The following FMN1 variants were observed in gnomAD, a reference collection of about 807,000 sequenced individuals.
FMN1 encodes the protein formin-1.
FMN1 carries 110 observed loss-of-function variants against 132.4 expected under a neutral mutation model. The observed-to-expected ratio is 0.83, with a 90% CI of 0.71 to 0.97. The LOEUF is 0.97. Ranked by LOEUF, FMN1 falls within the 50% of genes least tolerant of loss-of-function variation. FMN1 has a pLI of 0.00. For synonymous variants in FMN1, 722 were observed against 651.7 expected, an observed-to-expected ratio of 1.11 and a Z score of -1.64; for missense variants, 1,792 against 1,705.3, an observed-to-expected ratio of 1.05 and a Z score of -0.90.
At chr15:32,998,638 C>T (rs891655689) in intron 7 of FMN1, among the ~76,000 whole-genome samples, 8 of 152,296 alleles carry the variant, frequency 5.3e-5, no homozygotes, top group East Asian at 1.9e-4. Context: ...GAGTCAAAAG[C>T]AATGGCCAAC....
rs1161897798 is a variant in FMN1 at position 33,012,763 on chromosome 15, G to C, written c.2162-4688C>G. On this transcript the variant is annotated intron_variant, in intron 6 of 20. Transcript: ENST00000616417. The stretch of plus-strand genomic sequence containing the variant: ...TGGTTTTGGTGGGAACGACATCTTT[G>C]GTTATGGAGAAAACTTCAGTGGTCA... 17 of 724,102 alleles carry C rather than the reference G, an allele frequency of 2.3e-5. No homozygotes were observed. The Admixed American group carries it at 3.0e-4, about 13-fold the overall frequency. 44.9% of individuals were successfully genotyped at this position (724,102 alleles called of 1,614,324 possible).
At chr15:32,978,314 A>G (rs1160018200) in intron 7 of FMN1, among the ~76,000 whole-genome samples, 3 of 152,224 alleles carry the variant, frequency 2.0e-5, no homozygotes, top group African/African-American at 7.2e-5. Context: ...CACAAAACAA[A>G]ATTGTAGCCA....
intron 18 of FMN1, among the ~76,000 whole-genome samples, chr15:32,802,631 A>G (rs1202452241): frequency 1.3e-5 from 2 of 152,200 alleles, no homozygotes; most frequent in African/African-American, 2.4e-5. Context: ...CCCTCCACAG[A>G]GCTAATGCAC....
At chr15:33,158,653 C>T (rs1400652222) in intron 3 of FMN1, among the ~76,000 whole-genome samples, 1 of 152,120 alleles carries the variant, frequency 6.6e-6, no homozygotes, top group Non-Finnish European at 1.5e-5. Context: ...AAACTTTGTA[C>T]TGAACTAGAC....
chr15:33,057,695 A>G (rs1029948686), intron 6 of FMN1, among the ~76,000 whole-genome samples: 1 of 152,068 alleles, frequency 6.6e-6, no homozygotes, highest in Non-Finnish European at 1.5e-5. Context: ...TTCCCTCTGA[A>G]ATCATTTTCT....
Position 32,770,387 on chromosome 15 carries a change from A to G in FMN1, c.*3923T>C, listed in dbSNP as rs1405376915. 1 of 123,502 alleles carries G rather than the reference A, an allele frequency of 8.1e-6. No homozygotes were observed. Among genetic ancestry groups the G allele is most frequent in the Non-Finnish European group, 1.8e-5 (1 of 55,678 alleles). 7.7% of individuals were successfully genotyped at this position (123,502 alleles called of 1,614,324 possible). On this transcript the variant is annotated 3_prime_UTR_variant, in exon 21 of 21. Transcript: ENST00000616417. Reference sequence around the variant, plus strand: ...AGAAAGGAAGAGTATCATTAAAATGAAAATTTCTCTGTTGCAAACATCATA... The same window carrying G: ...AGAAAGGAAGAGTATCATTAAAATGGAAATTTCTCTGTTGCAAACATCATA...
At chr15:32,987,579 T>C (rs1171736226) in intron 7 of FMN1, among the ~76,000 whole-genome samples, 3 of 152,166 alleles carry the variant, frequency 2.0e-5, no homozygotes, top group African/African-American at 4.8e-5. Context: ...AAAAAAACTT[T>C]GATTTTTATA....
chr15:32,858,431 C>T (rs2059186145), intron 16 of FMN1, among the ~76,000 whole-genome samples: 1 of 152,096 alleles, frequency 6.6e-6, no homozygotes, highest in Non-Finnish European at 1.5e-5. Flanking sequence ...TTGAGGGAAC[C>T]CTTTGTCATT....
chr15:33,059,777 C>G (rs1383404671), intron 6 of FMN1, among the ~76,000 whole-genome samples: 2 of 152,182 alleles, frequency 1.3e-5, no homozygotes, highest in Non-Finnish European at 2.9e-5. Context: ...GTTTGCAGCT[C>G]TCAGTTTTTA....
At chr15:33,120,104 T>C (rs1027707231) in intron 4 of FMN1, among the ~76,000 whole-genome samples, 2 of 152,200 alleles carry the variant, frequency 1.3e-5, no homozygotes, top group African/African-American at 4.8e-5. Flanking sequence ...CACAGTTTGA[T>C]TCAGGACTCT....
intron 10 of FMN1, among the ~76,000 whole-genome samples, chr15:32,915,273 C>T (rs1174232717): frequency 6.6e-6 from 1 of 152,196 alleles, no homozygotes; most frequent in Non-Finnish European, 1.5e-5. Flanking sequence ...CCAGAATCCA[C>T]ACCTGATAAT....
At chr15:32,978,618 G>A (rs1286871685) in intron 7 of FMN1, among the ~76,000 whole-genome samples, 1 of 152,060 alleles carries the variant, frequency 6.6e-6, no homozygotes, top group African/African-American at 2.4e-5. Flanking sequence ...GTCCAATGAG[G>A]CATTACACAT....
At chr15:33,159,268 T>C (rs1411668906) in intron 3 of FMN1, among the ~76,000 whole-genome samples, 2 of 152,168 alleles carry the variant, frequency 1.3e-5, no homozygotes, top group Non-Finnish European at 2.9e-5. Context: ...AAGAATTTGG[T>C]TTCATGATTT....
At chr15:33,008,125 C>T in intron 6 of FMN1, 50 bp from the exon 7 acceptor site, 1 of 1,375,324 alleles carries the variant, frequency 7.3e-7, no homozygotes, top group Admixed American at 2.0e-5. Context: ...AAATTAAGCA[C>T]AAAATTTATC....
intron 17 of FMN1, among the ~76,000 whole-genome samples, chr15:32,816,036 C>G (rs552255931): frequency 2.6e-5 from 4 of 152,174 alleles, no homozygotes; most frequent in Non-Finnish European, 5.9e-5. Context: ...TCGGCCATGG[C>G]ACCTGGCACA....
chr15:33,083,184 T>A (rs1321486619), intron 5 of FMN1, among the ~76,000 whole-genome samples: 1 of 152,234 alleles, frequency 6.6e-6, no homozygotes, highest in Non-Finnish European at 1.5e-5. Context: ...AAAACCCTCG[T>A]AACTTCTTAA....
chr15:32,966,986 G>A (rs1314297258), intron 8 of FMN1, among the ~76,000 whole-genome samples: 5 of 152,164 alleles, frequency 3.3e-5, no homozygotes, highest in Admixed American at 6.5e-5. Flanking sequence ...GGAAGTGCCC[G>A]TGTTGCAGTC....
intron 15 of FMN1, among the ~76,000 whole-genome samples, chr15:32,897,978 TG>T (rs1567349708): frequency 1.3e-5 from 2 of 152,070 alleles, no homozygotes; most frequent in Admixed American, 6.5e-5. Flanking sequence ...GGGAAAAGTT[TG>T]GGGGGCGGGG....
intron 6 of FMN1, among the ~76,000 whole-genome samples, chr15:33,053,280 T>G (rs2037063488): frequency 6.6e-6 from 1 of 152,154 alleles, no homozygotes; most frequent in African/African-American, 2.4e-5. Context: ...TAACATTCCC[T>G]CTGGGGCTTT....
Sources: allele counts gnomAD v4.1 joint callset (sites outside exome capture counted in the v4.1 genomes callset), GRCh38; gene constraint gnomAD v4.1.1; transcripts MANE v1.5; gene names NCBI Gene and HGNC (gene_info 2026-07-23, HGNC 2026-07-21).